DNAAF1: variants seen among roughly 807,000 people sequenced by gnomAD.
The protein encoded by DNAAF1 is dynein assembly factor 1, axonemal.
In DNAAF1, 65 loss-of-function variants were observed where a neutral mutation model predicts 71.1. The ratio of observed to expected loss-of-function variants is 0.91; its 90% CI spans 0.75 to 1.12. DNAAF1 has a LOEUF of 1.12. DNAAF1 is among the 50% of genes most tolerant of loss of function. The pLI, the probability that DNAAF1 is intolerant of heterozygous loss-of-function variation, is 0.00. For synonymous variants in DNAAF1, 414 were observed against 354.6 expected, an observed-to-expected ratio of 1.17 and a Z score of -1.88; for missense variants, 1,178 against 899.8, an observed-to-expected ratio of 1.31 and a Z score of -3.96.
rs1458139197 is a variant in DNAAF1 at position 84,174,776 on chromosome 16, C to T, written c.1698+54C>T. The stretch of plus-strand genomic sequence containing the variant: ...CAGGCAGCTTAATTCCACCTTCGTT[C>T]TTGTCGTTTACCGTTTCTCTCCTAA... On this transcript the variant is annotated intron_variant, in intron 10 of 11. Coordinates refer to ENST00000378553, the MANE Select transcript of DNAAF1 (RefSeq NM_178452.6). The T allele has an allele frequency of 6.8e-6, 11 of 1,609,970 alleles. No individual in the cohort carries two copies. In the East Asian group the frequency reaches 2.0e-4, roughly 29 times the overall value.
chr16:84,161,416 C>T (rs924941983), intron 6 of DNAAF1, among the ~76,000 whole-genome samples: 3 of 152,174 alleles, frequency 2.0e-5, no homozygotes, highest in Admixed American at 6.5e-5. Context: ...GACGGGGTTG[C>T]ACTCTGTCAC....
Position 84,175,607 on chromosome 16 carries a change from GAGTC to G in DNAAF1, c.1699-325_1699-322del, listed in dbSNP as rs1394274381. The G allele has an allele frequency of 1.6e-5, 6 of 375,652 alleles. No individual in the cohort carries two copies. The Admixed American group carries it at 2.5e-4, about 16-fold the overall frequency. 23.3% of individuals were successfully genotyped at this position (375,652 alleles called of 1,614,324 possible). ...GCTGTCCAAGGAGCTAAGTCCCAGA[GAGTC>G]TGTGAAGGAAACGGGGTTCAGGGGC... On this transcript the variant is annotated intron_variant, in intron 10 of 11. Transcript: ENST00000378553.
intron 6 of DNAAF1, among the ~76,000 whole-genome samples, chr16:84,161,614 C>T (rs1166635736): frequency 6.6e-6 from 1 of 152,036 alleles, no homozygotes; most frequent in Non-Finnish European, 1.5e-5. Flanking sequence ...GATCCTCCTG[C>T]GTTGGCCTCC....
intron 3 of DNAAF1, among the ~76,000 whole-genome samples, chr16:84,153,608 A>T (rs557553222): frequency 1.3e-5 from 2 of 152,164 alleles, no homozygotes; most frequent in Non-Finnish European, 2.9e-5. Context: ...TTTGCTCACC[A>T]TTGATATTAG....
intron 6 of DNAAF1, among the ~76,000 whole-genome samples, chr16:84,165,387 T>G (rs529662922): frequency 6.6e-6 from 1 of 152,314 alleles, no homozygotes; most frequent in East Asian, 1.9e-4. Context: ...GGTTTTGCTA[T>G]GTTGCCCAGG....
chr16:84,168,822 C>CCACACACACACACA (rs1352763766), intron 7 of DNAAF1, among the ~76,000 whole-genome samples: 13 of 42,372 alleles, frequency 3.1e-4, no homozygotes, highest in East Asian at 9.8e-4. Flanking sequence ...TACACATTTG[C>CCACACACACACACA]CACATACACA....
chr16:84,165,762 G>A lies in DNAAF1; in HGVS notation c.864-21G>A, dbSNP rs758712653. ...TTTGGAGTTCACCTCCCCTATTTAT[G>A]TTTCTTTGTTTTTTAAACAGAGCTT... On this transcript the variant is annotated intron_variant, in intron 6 of 11. Coordinates refer to ENST00000378553, the MANE Select transcript of DNAAF1 (RefSeq NM_178452.6). 4.3e-6 allele frequency: 7 copies of A among 1,611,694 alleles called. No individual in the cohort carries two copies. The Admixed American group carries it at 6.7e-5, about 15-fold the overall frequency.
At chr16:84,176,690 A>G (rs1017090447) in intron 11 of DNAAF1, 5 of 331,690 alleles carry the variant, frequency 1.5e-5, no homozygotes, top group Non-Finnish European at 2.4e-5. Flanking sequence ...CACCAACACC[A>G]CTGCTGGGGA....
At chr16:84,151,030 C>G (rs1246104878) in intron 3 of DNAAF1, among the ~76,000 whole-genome samples, 2 of 152,062 alleles carry the variant, frequency 1.3e-5, no homozygotes, top group Non-Finnish European at 2.9e-5. Flanking sequence ...TCTTTGGATG[C>G]CTCTTAGAAT....
At chr16:84,175,751 G>A in intron 10 of DNAAF1, 182 bp from the exon 11 acceptor site, 1 of 698,458 alleles carries the variant, frequency 1.4e-6, no homozygotes, top group East Asian at 2.7e-5. Flanking sequence ...CATGAGCTGT[G>A]CCCAGGGAGT....
chr16:84,161,017 G>A (rs1239091163), intron 6 of DNAAF1, among the ~76,000 whole-genome samples: 1 of 152,124 alleles, frequency 6.6e-6, no homozygotes, highest in Non-Finnish European at 1.5e-5. Context: ...TGGGCCCCAG[G>A]TCTGGGGGTG....
Position 84,146,145 on chromosome 16 carries a change from CCAGA to C in DNAAF1, c.124+585_124+588del, listed in dbSNP as rs750861528. ...CAAACAAAACCCACCAGACTCAGGC[CCAGA>C]CAGTCTGGGTCTCCAGAGCCCCAGC... On this transcript the variant is annotated intron_variant, in intron 1 of 11. Coordinates refer to ENST00000378553, the MANE Select transcript of DNAAF1 (RefSeq NM_178452.6). Among the ~76,000 whole-genome samples the C allele has an allele frequency of 4.6e-5, 7 of 152,216 alleles. No homozygotes were observed. In the East Asian group the frequency reaches 1.4e-3, roughly 29 times the overall value.
At chr16:84,165,574 T>C (rs566167833) in intron 6 of DNAAF1, among the ~76,000 whole-genome samples, 1 of 152,282 alleles carries the variant, frequency 6.6e-6, no homozygotes, top group South Asian at 2.1e-4. Context: ...ATTTTTTCTC[T>C]TGTCACTTGT....
At chr16:84,173,076 G>A in intron 9 of DNAAF1, 1 of 987,050 alleles carries the variant, frequency 1.0e-6, no homozygotes, top group Non-Finnish European at 1.2e-6. Flanking sequence ...CTTATACCTT[G>A]GAGAGGTGGT....
chr16:84,177,687 A>C (rs775174441), intron 11 of DNAAF1, 42 bp from the exon 12 acceptor site: 2 of 1,538,568 alleles, frequency 1.3e-6, no homozygotes, highest in Non-Finnish European at 1.8e-6. Context: ...CCTTGCAGTC[A>C]CAGTGACAGG....
chr16:84,172,441 T>C, intron 9 of DNAAF1, 66 bp downstream of exon 9: 1 of 1,585,302 alleles, frequency 6.3e-7, no homozygotes, highest in Middle Eastern at 1.7e-4. Context: ...GGTAATCAGA[T>C]GCAGACTTTG....
intron 5 of DNAAF1, among the ~76,000 whole-genome samples, chr16:84,157,850 C>T (rs189014012): frequency 1.1e-4 from 17 of 152,246 alleles, no homozygotes; most frequent in Admixed American, 5.9e-4. Context: ...ATAATCCCCC[C>T]GTTTGTTCGT....
At chr16:84,167,044 A>G (rs1477976700) in intron 7 of DNAAF1, among the ~76,000 whole-genome samples, 1 of 151,966 alleles carries the variant, frequency 6.6e-6, no homozygotes, top group African/African-American at 2.4e-5. Context: ...TCCACTTCCA[A>G]TGCCAACCGC....
chr16:84,155,744 G>A lies in DNAAF1; in HGVS notation c.736G>A (p.Asp246Asn), dbSNP rs151099638. 1.5e-3 allele frequency: 2,464 copies of A among 1,614,010 alleles called. 20 individuals are homozygous for A. The African/African-American group carries it at 0.021, about 13-fold the overall frequency. ...CCTGAGCATTCTGGAAAGCATGCCCGATTTGGTAAAAAACAAAAACAAAAA... is the reference window on the plus strand; with the variant it reads ...CCTGAGCATTCTGGAAAGCATGCCCAATTTGGTAAAAAACAAAAACAAAAA... ...EILSILESMP[D>N]LRVLNLMGNP... Residue 246 changes from aspartate to asparagine, a missense_variant, in exon 5 of 12, where the codon GAT becomes AAT. Asp to Asn is a conservative substitution (Grantham distance 23, BLOSUM62 1). Transcript: ENST00000378553.
Sources: allele counts gnomAD v4.1 joint callset (sites outside exome capture counted in the v4.1 genomes callset), GRCh38; gene constraint gnomAD v4.1.1; transcripts MANE v1.5; gene names NCBI Gene and HGNC (gene_info 2026-07-23, HGNC 2026-07-21).